Variants in STIP1 observed in about 807,000 individuals in gnomAD.
STIP1 encodes the protein stress induced phosphoprotein 1, also known as stress-induced-phosphoprotein 1.
STIP1 carries 16 observed loss-of-function variants against 77.4 expected under a neutral mutation model. That is an observed-to-expected ratio of 0.21 (90% confidence interval 0.14 to 0.31). The LOEUF (loss-of-function observed/expected upper bound fraction) is 0.31. Among genes scored for constraint, STIP1 ranks in the 10% least tolerant of loss-of-function variants. STIP1 has a pLI of 1.00. For synonymous variants in STIP1, 258 were observed against 246.6 expected, an observed-to-expected ratio of 1.05 and a Z score of -0.44; for missense variants, 524 against 684.8, an observed-to-expected ratio of 0.77 and a Z score of 2.62.
intron 5 of STIP1, chr11:64,196,958 A>G: frequency 3.4e-6 from 1 of 294,200 alleles, no homozygotes; most frequent in Non-Finnish European, 6.5e-6. Flanking sequence ...CCTGGTCCAA[A>G]ACTCTGCTGT....
intron 1 of STIP1, among the ~76,000 whole-genome samples, chr11:64,188,866 A>G (rs1161302379): frequency 6.6e-6 from 1 of 152,160 alleles, no homozygotes; most frequent in Non-Finnish European, 1.5e-5. Flanking sequence ...AACAAACACG[A>G]TTTCTCTACC....
chr11:64,185,812 A>G, upstream of STIP1: 1 of 1,535,838 alleles, frequency 6.5e-7, no homozygotes, highest in South Asian at 1.2e-5. Flanking sequence ...CTCATTCTGA[A>G]GGCGGTTCCG....
At position 64,195,826 on chromosome 11, in the gene STIP1, T is replaced by C. The variant is rs1946143770; in HGVS notation, c.672+13T>C. 1 of 1,613,910 alleles carries C rather than the reference T, an allele frequency of 6.2e-7. No individual in the cohort carries two copies. The highest frequency in any genetic ancestry group is 8.5e-7 in the Non-Finnish European group (1 of 1,179,964). On this transcript the variant is annotated intron_variant, in intron 5 of 13. Transcript: ENST00000305218. ...GAATAAGAAGCAGGTCTTGTTTTTT[T>C]CTCTCCTCACTGTCACCTATCTATA...
At chr11:64,193,042 A>G in intron 1 of STIP1, 36 bp from the exon 2 acceptor site, 1 of 1,600,558 alleles carries the variant, frequency 6.2e-7, no homozygotes, top group Non-Finnish European at 8.6e-7. Flanking sequence ...TTAAATGGGC[A>G]CATCATAGAG....
rs77088542 is a variant in STIP1, at chr11:64,196,975, C to T, written c.673-296C>T. On this transcript the variant is annotated intron_variant, in intron 5 of 13. Coordinates refer to ENST00000305218, the MANE Select transcript of STIP1 (RefSeq NM_006819.3). ...TGGTCCAAAACTCTGCTGTCCTCACCGGTTGCTTCAAGTCGAAGGGATTTC... is the reference window on the plus strand; with the variant it reads ...TGGTCCAAAACTCTGCTGTCCTCACTGGTTGCTTCAAGTCGAAGGGATTTC... The T allele has an allele frequency of 8.5e-3, 2,982 of 349,164 alleles. 23 individuals are homozygous for T. Among genetic ancestry groups the T allele is most frequent in the Admixed American group, 0.014 (329 of 24,110 alleles). The allele number at this position is 349,164 out of a possible 1,614,324, so 21.6% of individuals were successfully genotyped here. A position where few individuals can be genotyped will look rare whatever the true frequency, so the allele number is the denominator to read the frequency against.
chr11:64,189,378 ATAAG>A (rs1284149317), intron 1 of STIP1, among the ~76,000 whole-genome samples: 1 of 151,590 alleles, frequency 6.6e-6, no homozygotes, highest in East Asian at 1.9e-4. Flanking sequence ...AAATAAATAA[ATAAG>A]CGGACATTGT....
In STIP1 at chr11:64,202,780, G is replaced by A. The variant is rs573779263; in HGVS notation, c.1246-96G>A. On this transcript the variant is annotated intron_variant, in intron 10 of 13. Transcript: ENST00000305218. ...TGTTGTCCCCTCTGTTTGGTGCTGG[G>A]TGAGGCATTAGAGTTGGAAGTCCAC... The A allele has an allele frequency of 3.7e-5, 51 of 1,365,338 alleles. No homozygotes were observed. The East Asian group carries it at 7.6e-4, about 20-fold the overall frequency. 84.6% of individuals were successfully genotyped at this position (1,365,338 alleles called of 1,614,324 possible).
Position 64,187,848 on chromosome 11 carries a change from A to C in STIP1, c.9+1578A>C, listed in dbSNP as rs563842047. 5.3e-5 allele frequency among the ~76,000 whole-genome samples: 8 copies of C among 151,910 alleles called. No individual in the cohort carries two copies. The East Asian group carries it at 1.6e-3, about 29-fold the overall frequency. ...AACCCCGTCTCTACTAAAAATACAG[A>C]AGAAAAATTAGCCGGGCGTGGTGGC... On this transcript the variant is annotated intron_variant, in intron 1 of 13. Transcript: ENST00000305218.
upstream of STIP1, chr11:64,185,779 C>A: frequency 6.5e-7 from 1 of 1,532,008 alleles, no homozygotes; most frequent in East Asian, 2.5e-5. Flanking sequence ...GAGTTGGCAA[C>A]CCTCCGCCCA....
intron 9 of STIP1, 53 bp downstream of exon 9, chr11:64,200,089 G>A (rs982275563): frequency 9.3e-6 from 15 of 1,613,246 alleles, no homozygotes; most frequent in African/African-American, 4.0e-5. Flanking sequence ...TGCCTCCCGT[G>A]CCTGGCTGTG....
At chr11:64,187,390 C>A (rs113076739) in intron 1 of STIP1, among the ~76,000 whole-genome samples, 13 of 152,036 alleles carry the variant, frequency 8.6e-5, no homozygotes, top group Admixed American at 2.0e-4. Context: ...AATTCTGAAA[C>A]TATACCTGGT....
At chr11:64,192,980 T>G (rs1946109374) in intron 1 of STIP1, 98 bp from the exon 2 acceptor site, 1 of 1,142,130 alleles carries the variant, frequency 8.8e-7, no homozygotes, top group East Asian at 2.5e-5. Flanking sequence ...AGTCACCTAT[T>G]TATTTGTTGG....
At chr11:64,194,885 C>G (rs1279674187) in intron 4 of STIP1, among the ~76,000 whole-genome samples, 1 of 152,136 alleles carries the variant, frequency 6.6e-6, no homozygotes, top group African/African-American at 2.4e-5. Flanking sequence ...TCAACCCCAT[C>G]CTTTCCATCT....
rs1386509726 is a variant in STIP1, at chr11:64,197,898, A to G, written c.947A>G (p.Tyr316Cys). The change falls in exon 8 of 14, where the codon TAC becomes TGC. Residue 316 changes from tyrosine (Y) to cysteine (C), a missense_variant. Tyr to Cys is a radical substitution (Grantham distance 194). Coordinates refer to ENST00000305218, the MANE Select transcript of STIP1 (RefSeq NM_006819.3). ...AACTCCTACTTCAAAGAAGAAAAGT[A>G]CAAGGATGCCATCCATTTCTATAAC... The part of the protein sequence containing the change: ...IGNSYFKEEK[Y>C]KDAIHFYNKS... 3.7e-6 allele frequency: 6 copies of G among 1,612,796 alleles called. No individual in the cohort carries two copies. The highest frequency in any genetic ancestry group is 3.3e-5 in the South Asian group (3 of 91,018).
intron 5 of STIP1, chr11:64,196,886 C>T (rs551944627): frequency 5.1e-6 from 1 of 197,736 alleles, no homozygotes; most frequent in African/African-American, 2.3e-5. Flanking sequence ...GGTTCCCTGA[C>T]AACTAAGACC....
chr11:64,201,500 G>A (rs1301368044), intron 10 of STIP1, among the ~76,000 whole-genome samples: 1 of 152,088 alleles, frequency 6.6e-6, no homozygotes, highest in Non-Finnish European at 1.5e-5. Flanking sequence ...TAATCCTCTC[G>A]AATCTCAGCC....
intron 7 of STIP1, 51 bp downstream of exon 7, chr11:64,197,646 C>T: frequency 6.2e-7 from 1 of 1,605,088 alleles, no homozygotes; most frequent in Non-Finnish European, 8.5e-7. Context: ...GTTTGCTGTC[C>T]AAGACTTAAG....
Position 64,204,132 on chromosome 11 carries a change from T to TG in STIP1, c.*7dup. 1 of 1,614,060 alleles carries TG rather than the reference T, an allele frequency of 6.2e-7. No homozygotes were observed. On this transcript the variant is annotated 3_prime_UTR_variant, in exon 14 of 14. Coordinates refer to ENST00000305218, the MANE Select transcript of STIP1 (RefSeq NM_006819.3). ...GTCTGATTGCAATTCGGTGATGACT[T>TG]GTTCATCCCCCCTTCCCTTCGCCCT...
intron 1 of STIP1, among the ~76,000 whole-genome samples, chr11:64,189,758 A>T (rs757073615): frequency 2.0e-5 from 3 of 152,180 alleles, no homozygotes; most frequent in African/African-American, 7.2e-5. Flanking sequence ...TTCCTGACCC[A>T]CTGTTGATCA....
Sources: gnomAD v4.1 joint callset for allele counts (sites outside exome capture counted in the v4.1 genomes callset) on GRCh38, gnomAD v4.1.1 for gene constraint, MANE v1.5 for transcripts, NCBI Gene and HGNC (gene_info 2026-07-23, HGNC 2026-07-21) for gene names.